Variants in PCDHGA10 observed in about 807,000 individuals in gnomAD.
PCDHGA10 encodes protocadherin gamma subfamily A, 10.
PCDHGA10 carries 42 observed loss-of-function variants against 59.5 expected under a neutral mutation model. The ratio of observed to expected loss-of-function variants is 0.71; its 90% CI spans 0.55 to 0.91. The LOEUF is 0.91. PCDHGA10 is among the 40% of genes least tolerant of loss of function. The probability of loss-of-function intolerance (pLI) is 0.00; values close to 1 mark genes in which losing one functional copy is unlikely to be tolerated. For synonymous variants in PCDHGA10, 511 were observed against 517.2 expected (o/e 0.99, Z 0.16); for missense variants, 1,111 against 1,198.2 (o/e 0.93, Z 1.07).
At chr5:141,458,081 G>A (rs765008628) in intron 1 of PCDHGA10, among the ~76,000 whole-genome samples, 62 of 152,186 alleles carry the variant, frequency 4.1e-4, no homozygotes, top group East Asian at 1.9e-4. Flanking sequence ...CTATATTGCC[G>A]TAAGTTAAGA....
intron 1 of PCDHGA10, among the ~76,000 whole-genome samples, chr5:141,447,303 C>G (rs1328783075): frequency 6.6e-6 from 1 of 151,990 alleles, no homozygotes; most frequent in Non-Finnish European, 1.5e-5. Context: ...CCACACCCGG[C>G]TAATTTTTGT....
chr5:141,423,260 G>A (rs1402237346), intron 1 of PCDHGA10: 2 of 1,613,996 alleles, frequency 1.2e-6, no homozygotes, highest in South Asian at 1.1e-5. Flanking sequence ...GACCTCGGCA[G>A]CCTCGAGTCT....
At chr5:141,433,208 CTT>C (rs745329085) in intron 1 of PCDHGA10, 289 of 1,287,502 alleles carry the variant, frequency 2.2e-4, no homozygotes, top group South Asian at 2.8e-4. Context: ...AATCTTCTTT[CTT>C]TTTTTTTTTT....
At chr5:141,436,778 G>A (rs2097846346) in intron 1 of PCDHGA10, among the ~76,000 whole-genome samples, 1 of 152,154 alleles carries the variant, frequency 6.6e-6, no homozygotes, top group African/African-American at 2.4e-5. Flanking sequence ...ATTTGTGGAT[G>A]GAAATAAAAC....
At chr5:141,478,117 C>T (rs1419172538) in intron 1 of PCDHGA10, 2 of 1,614,058 alleles carry the variant, frequency 1.2e-6, no homozygotes, top group East Asian at 4.5e-5. Flanking sequence ...TGTCAGTAAC[C>T]GAGGACTCTC....
intron 1 of PCDHGA10, among the ~76,000 whole-genome samples, chr5:141,492,876 G>A (rs2099744774): frequency 6.6e-6 from 1 of 152,184 alleles, no homozygotes; most frequent in African/African-American, 2.4e-5. Context: ...TCAACCCCCA[G>A]AGATACAGGC....
At chr5:141,421,352 A>T in intron 1 of PCDHGA10, 1 of 1,613,946 alleles carries the variant, frequency 6.2e-7, no homozygotes, top group Non-Finnish European at 8.5e-7. Context: ...GAGACCGAAA[A>T]GGGCTCCTTC....
intron 2 of PCDHGA10, among the ~76,000 whole-genome samples, chr5:141,503,324 C>T (rs1389385473): frequency 7.9e-5 from 12 of 152,014 alleles, no homozygotes; most frequent in South Asian, 2.1e-4. Context: ...TGGAGGGGCG[C>T]GGTGGCTCAC....
chr5:141,484,924 T>C (rs1453592037), intron 1 of PCDHGA10: 7 of 484,872 alleles, frequency 1.4e-5, no homozygotes, highest in Non-Finnish European at 2.2e-5. Context: ...ACCCTGCTGC[T>C]GTTGGGACGT....
At chr5:141,479,366 T>A (rs2099494042) in intron 1 of PCDHGA10, 1 of 152,302 alleles carries the variant, frequency 6.6e-6, no homozygotes, top group Non-Finnish European at 1.5e-5. Flanking sequence ...GTGCCTGAGG[T>A]GGGAGGATTG....
At position 141,431,176 on chromosome 5, in the gene PCDHGA10, A is replaced by G; in HGVS notation, c.2436+15565A>G. On this transcript the variant is annotated intron_variant, in intron 1 of 3. Coordinates refer to ENST00000398610, the MANE Select transcript of PCDHGA10 (RefSeq NM_018913.3). The surrounding 1 kb of genome is among the most constrained non-coding windows in gnomAD (Gnocchi z 4.8). Reference sequence around the variant, plus strand: ...CTTACTTTCGTGAAAGTGAATTAGAAATAAAAATTAGTGAAAATGCAGCCA... The same window carrying G: ...CTTACTTTCGTGAAAGTGAATTAGAGATAAAAATTAGTGAAAATGCAGCCA... The G allele has an allele frequency of 1.2e-6, 2 of 1,614,212 alleles. No individual in the cohort carries two copies. Among genetic ancestry groups the G allele is most frequent in the Non-Finnish European group, 1.7e-6 (2 of 1,180,032 alleles).
chr5:141,458,949 T>A (rs948180008), intron 1 of PCDHGA10, among the ~76,000 whole-genome samples: 1 of 151,814 alleles, frequency 6.6e-6, no homozygotes, highest in East Asian at 1.9e-4. Flanking sequence ...CTTAGGTTGG[T>A]CACAAATTCA....
intron 2 of PCDHGA10, among the ~76,000 whole-genome samples, chr5:141,504,253 G>A (rs1036263329): frequency 6.6e-6 from 1 of 152,100 alleles, no homozygotes; most frequent in Non-Finnish European, 1.5e-5. Context: ...TTCTTCTTAT[G>A]GTTTAGTATT....
intron 1 of PCDHGA10, chr5:141,418,245 A>G: frequency 5.6e-6 from 9 of 1,614,046 alleles, no homozygotes; most frequent in Non-Finnish European, 7.6e-6. Flanking sequence ...GTTAATGACC[A>G]CGCCCCTCAA....
intron 2 of PCDHGA10, among the ~76,000 whole-genome samples, chr5:141,496,391 A>G (rs1473991011): frequency 1.3e-5 from 2 of 151,930 alleles, no homozygotes; most frequent in Admixed American, 6.6e-5. Flanking sequence ...ACCTTACCCT[A>G]CCTCCTCAAT....
rs2099664737 is a variant in PCDHGA10, at chr5:141,487,754, G to GTAGAC, written c.2437-7052_2437-7048dup. 1 of 1,552,036 alleles carries GTAGAC rather than the reference G, an allele frequency of 6.4e-7. No homozygotes were observed. The highest frequency in any genetic ancestry group is 1.4e-5 in the African/African-American group (1 of 73,242). ...CATTTTTGTAAGAGGTAACTATGTG[G>GTAGAC]TAGACGCTGTGCTTTGTAACTGTTT... On this transcript the variant is annotated intron_variant, in intron 1 of 3. Transcript: ENST00000398610. This position sits in a 1 kb window ranked among gnomAD's most constrained non-coding sequence, Gnocchi z 5.0.
intron 2 of PCDHGA10, among the ~76,000 whole-genome samples, chr5:141,498,260 A>C (rs1044675509): frequency 6.6e-6 from 1 of 152,140 alleles, no homozygotes; most frequent in Non-Finnish European, 1.5e-5. Flanking sequence ...GCTGGTGTTG[A>C]GTTCTTCAGT....
intron 1 of PCDHGA10, among the ~76,000 whole-genome samples, chr5:141,444,733 G>A (rs1464370133): frequency 6.6e-6 from 1 of 152,106 alleles, no homozygotes; most frequent in Non-Finnish European, 1.5e-5. Flanking sequence ...TTTGTTGAAA[G>A]TCATTTCACT....
intron 1 of PCDHGA10, among the ~76,000 whole-genome samples, chr5:141,472,213 C>T (rs1294676431): frequency 2.0e-5 from 3 of 152,178 alleles, no homozygotes; most frequent in African/African-American, 7.2e-5. Flanking sequence ...TAAGACCTTA[C>T]TCTCGATCAT....
Sources: allele counts gnomAD v4.1 joint callset (sites outside exome capture counted in the v4.1 genomes callset), GRCh38; gene constraint gnomAD v4.1.1; non-coding constraint Gnocchi (gnomAD v3.1); transcripts MANE v1.5; gene names NCBI Gene and HGNC (gene_info 2026-07-23, HGNC 2026-07-21).